Variants in TASP1 observed in about 807,000 individuals in gnomAD.
TASP1 encodes the protein threonine aspartase 1.
TASP1 carries 16 observed loss-of-function variants against 56.6 expected under a neutral mutation model. The observed-to-expected ratio is 0.28, with a 90% CI of 0.19 to 0.43. TASP1 has a LOEUF of 0.43. Ranked by LOEUF, TASP1 falls within the 20% of genes least tolerant of loss-of-function variation. TASP1 has a pLI of 1.00. For missense variants in TASP1, 393 were observed against 511.6 expected (o/e 0.77, Z 2.24); for synonymous variants, 179 against 184.2 (o/e 0.97, Z 0.23).
At chr20:13,413,667 A>G (rs1483084228) in intron 13 of TASP1, among the ~76,000 whole-genome samples, 1 of 152,200 alleles carries the variant, frequency 6.6e-6, no homozygotes, top group African/African-American at 2.4e-5. Context: ...TTTCAAGTAC[A>G]AGACCCAAAG....
the TASP1 span, among the ~76,000 whole-genome samples, chr20:13,274,398 C>A: frequency 1.3e-5 from 2 of 152,156 alleles, no homozygotes; most frequent in African/African-American, 4.8e-5. Flanking sequence ...AGGTGAGGGG[C>A]CCTTCAGTAG....
At chr20:13,297,349 A>C in the TASP1 span, among the ~76,000 whole-genome samples, 1 of 152,190 alleles carries the variant, frequency 6.6e-6, no homozygotes, top group Admixed American at 6.5e-5. Context: ...GGGAGTTACC[A>C]GTTCCTTACA....
At chr20:13,577,619 A>T (rs890131782) in intron 6 of TASP1, among the ~76,000 whole-genome samples, 1 of 152,036 alleles carries the variant, frequency 6.6e-6, no homozygotes, top group Admixed American at 6.6e-5. Flanking sequence ...TCTCTCAACA[A>T]CCCCTTCCCT....
At chr20:13,249,912 ATTGCTGGGGC>A in the TASP1 span, among the ~76,000 whole-genome samples, 2 of 152,046 alleles carry the variant, frequency 1.3e-5, no homozygotes, top group Non-Finnish European at 2.9e-5. Context: ...ATTTGCAAAA[ATTGCTGGGGC>A]CTTCCAGAAA....
chr20:13,150,028 G>T, the TASP1 span, among the ~76,000 whole-genome samples: 1 of 152,174 alleles, frequency 6.6e-6, no homozygotes, highest in Non-Finnish European at 1.5e-5. Flanking sequence ...CCGCAAAAGT[G>T]CTGAATGCAC....
At chr20:13,481,106 C>T (rs76124028) in intron 11 of TASP1, among the ~76,000 whole-genome samples, 4,953 of 152,108 alleles carry the variant, frequency 0.033, 261 homozygotes, top group African/African-American at 0.11. Flanking sequence ...GCCAAGTCCT[C>T]CACTACCTTC....
chr20:13,570,176 T>A (rs1176912667), intron 6 of TASP1, among the ~76,000 whole-genome samples: 2 of 152,116 alleles, frequency 1.3e-5, no homozygotes, highest in Non-Finnish European at 2.9e-5. Flanking sequence ...AGTTTTAATA[T>A]AACAAAGTGG....
the TASP1 span, among the ~76,000 whole-genome samples, chr20:13,289,146 TTC>T: frequency 6.6e-6 from 1 of 152,206 alleles, no homozygotes; most frequent in African/African-American, 2.4e-5. Context: ...TGAATGGATT[TTC>T]TGAGTCTTAT....
At chr20:13,301,734 A>G in the TASP1 span, among the ~76,000 whole-genome samples, 1,080 of 152,200 alleles carry the variant, frequency 7.1e-3, 23 homozygotes, top group African/African-American at 0.023. Flanking sequence ...AATGGAATGC[A>G]TTGCCTTTGA....
At chr20:13,210,301 G>T in the TASP1 span, among the ~76,000 whole-genome samples, 3 of 152,056 alleles carry the variant, frequency 2.0e-5, no homozygotes, top group Non-Finnish European at 4.4e-5. Flanking sequence ...TAGGACTAAG[G>T]TTCTATGAAT....
the TASP1 span, among the ~76,000 whole-genome samples, chr20:13,142,375 T>C: frequency 6.6e-6 from 1 of 152,136 alleles, no homozygotes; most frequent in Non-Finnish European, 1.5e-5. Context: ...CATATGGAAT[T>C]CCATGTTGGT....
chr20:13,603,642 T>C (rs952175640), intron 4 of TASP1, among the ~76,000 whole-genome samples: 1 of 152,248 alleles, frequency 6.6e-6, no homozygotes, highest in Non-Finnish European at 1.5e-5. Flanking sequence ...CTATCCAGAA[T>C]TTATTTTTAA....
chr20:13,606,185 T>C (rs895071194), intron 4 of TASP1, among the ~76,000 whole-genome samples: 4 of 151,902 alleles, frequency 2.6e-5, no homozygotes, highest in Admixed American at 2.0e-4. Flanking sequence ...TATAAATACC[T>C]GAGGTCCCAC....
chr20:13,221,652 C>T, the TASP1 span: 1 of 788,090 alleles, frequency 1.3e-6, no homozygotes, highest in Non-Finnish European at 1.7e-6. Context: ...GGAAGCGGAG[C>T]CCTGGCGGGA....
the TASP1 span, among the ~76,000 whole-genome samples, chr20:13,129,380 G>GA: frequency 6.6e-6 from 1 of 152,180 alleles, no homozygotes; most frequent in Non-Finnish European, 1.5e-5. Context: ...TCTGCTGTAT[G>GA]AAAAACTGTT....
intron 1 of TASP1, among the ~76,000 whole-genome samples, chr20:13,632,279 G>A (rs1448665864): frequency 1.3e-4 from 19 of 145,998 alleles, no homozygotes; most frequent in African/African-American, 4.8e-4. Context: ...AGAATTGCTT[G>A]AACTGGGACC....
chr20:13,110,147 G>A, the TASP1 span: 19 of 1,613,552 alleles, frequency 1.2e-5, no homozygotes, highest in East Asian at 3.8e-4. Flanking sequence ...GAGAGATGCT[G>A]TCATCTATGG....
intron 8 of TASP1, among the ~76,000 whole-genome samples, chr20:13,557,597 T>C (rs1162012471): frequency 1.4e-5 from 2 of 145,600 alleles, no homozygotes; most frequent in Non-Finnish European, 3.0e-5. Flanking sequence ...TTTTTTTTTT[T>C]TGAGACAGGG....
the TASP1 span, chr20:13,222,010 T>G: frequency 8.9e-7 from 1 of 1,118,032 alleles, no homozygotes; most frequent in Non-Finnish European, 1.1e-6. Context: ...GGGAGGCAGG[T>G]CCCCTGCCCC....
Sources: allele counts gnomAD v4.1 joint callset (sites outside exome capture counted in the v4.1 genomes callset), GRCh38; gene constraint gnomAD v4.1.1; transcripts MANE v1.5; gene names NCBI Gene and HGNC (gene_info 2026-07-23, HGNC 2026-07-21).